The following LRSAM1 variants were observed in gnomAD, a reference collection of about 807,000 sequenced individuals.
LRSAM1 encodes the protein leucine rich repeat and sterile alpha motif containing 1.
Under a neutral mutation model 118.1 loss-of-function variants are expected in LRSAM1, and 96 were observed. That is an observed-to-expected ratio of 0.81 (90% CI 0.69 to 0.96). The LOEUF is 0.96. Ranked by LOEUF, LRSAM1 falls within the 40% of genes least tolerant of loss-of-function variation. The pLI is 0.00. For synonymous variants in LRSAM1, 322 were observed against 364.2 expected (o/e 0.88, Z 1.32); for missense variants, 804 against 915.5 (o/e 0.88, Z 1.57).
intron 9 of LRSAM1, among the ~76,000 whole-genome samples, chr9:127,467,459 G>A (rs981510696): frequency 1.3e-5 from 2 of 152,072 alleles, no homozygotes; most frequent in Admixed American, 1.3e-4. Flanking sequence ...GGAGGGAAGG[G>A]GGCTGCAGGT....
At chr9:127,457,762 G>A (rs533089100) in intron 6 of LRSAM1, among the ~76,000 whole-genome samples, 89 of 152,290 alleles carry the variant, frequency 5.8e-4, no homozygotes, top group African/African-American at 2.1e-3. Flanking sequence ...CCCCGGATGG[G>A]CTGGGAGGCA....
chr9:127,493,999 G>A (rs1347737264), intron 21 of LRSAM1, among the ~76,000 whole-genome samples: 2 of 152,246 alleles, frequency 1.3e-5, no homozygotes, highest in African/African-American at 4.8e-5. Flanking sequence ...GAAGCTGCCT[G>A]TTCCTCACGG....
chr9:127,460,574 A>AT (rs1243747193), intron 7 of LRSAM1, among the ~76,000 whole-genome samples: 1 of 152,138 alleles, frequency 6.6e-6, no homozygotes, highest in Non-Finnish European at 1.5e-5. Flanking sequence ...GTTACTGAGC[A>AT]TTTTGTGGTC....
At chr9:127,460,839 G>A (rs1289856214) in intron 7 of LRSAM1, among the ~76,000 whole-genome samples, 2 of 112,648 alleles carry the variant, frequency 1.8e-5, no homozygotes, top group Non-Finnish European at 3.6e-5. Context: ...ACCTCTTCCT[G>A]TTTCTTTCTT....
intron 25 of LRSAM1, 90 bp downstream of exon 25, chr9:127,501,233 T>C (rs1024755523): frequency 3.4e-6 from 5 of 1,489,076 alleles, no homozygotes; most frequent in Middle Eastern, 2.3e-4. Flanking sequence ...GAACGTGTTT[T>C]CTCCAGTTCT....
At chr9:127,468,014 T>G (rs1481494270) in intron 10 of LRSAM1, among the ~76,000 whole-genome samples, 184 bp downstream of exon 10, 1 of 152,182 alleles carries the variant, frequency 6.6e-6, no homozygotes, top group Non-Finnish European at 1.5e-5. Flanking sequence ...AGATACAGAC[T>G]GTGGTTATGG....
At chr9:127,501,236 C>A in intron 25 of LRSAM1, 93 bp downstream of exon 25, 1 of 1,487,030 alleles carries the variant, frequency 6.7e-7, no homozygotes, top group Non-Finnish European at 9.1e-7. Context: ...CGTGTTTTCT[C>A]CAGTTCTCTA....
chr9:127,453,460 T>A (rs977880454), intron 2 of LRSAM1: 1 of 152,252 alleles, frequency 6.6e-6, no homozygotes, highest in Non-Finnish European at 1.5e-5. Context: ...AATTGCTTTT[T>A]AATTTGTATT....
intron 10 of LRSAM1, among the ~76,000 whole-genome samples, chr9:127,472,609 C>G (rs1479096783): frequency 1.3e-5 from 2 of 151,856 alleles, no homozygotes; most frequent in Non-Finnish European, 2.9e-5. Context: ...CCACTGCACT[C>G]CAGCCTGGGT....
At position 127,468,828 on chromosome 9, in the gene LRSAM1, A is replaced by AC. The variant is rs1216162053; in HGVS notation, c.619+998_619+999insC. On this transcript the variant is annotated intron_variant, in intron 10 of 25. Transcript: ENST00000300417. ...GTCTCTACAAAAAAAAAAAAAAAAA[A>AC]AAAAAAAAAAATCAGCCAGGCGTGG... 1.1e-3 allele frequency among the ~76,000 whole-genome samples: 164 copies of AC among 143,816 alleles called. 4 individuals are homozygous for AC. The highest frequency in any genetic ancestry group is 1.9e-3 in the Non-Finnish European group (120 of 63,592). The allele number at this position is 143,816 out of a possible 152,430, so 94.3% of individuals were successfully genotyped here. A position where few individuals can be genotyped will look rare whatever the true frequency, so the allele number is the denominator to read the frequency against.
intron 10 of LRSAM1, among the ~76,000 whole-genome samples, chr9:127,471,929 C>T (rs1319753961): frequency 6.6e-6 from 1 of 151,620 alleles, no homozygotes; most frequent in Non-Finnish European, 1.5e-5. Flanking sequence ...TCCCGAAGCG[C>T]TGGCATTACA....
Position 127,458,984 on chromosome 9 carries a change from A to C in LRSAM1, c.253-19A>C. Reference sequence around the variant, plus strand: ...GGGACTTTCTCACTTGGAGACTCACAGGGGTCTTTCTTCTGCAGGTTCTAG... The same window carrying C: ...GGGACTTTCTCACTTGGAGACTCACCGGGGTCTTTCTTCTGCAGGTTCTAG... On this transcript the variant is annotated intron_variant, in intron 6 of 25. Coordinates refer to ENST00000300417, the MANE Select transcript of LRSAM1 (RefSeq NM_001005373.4). 6.2e-7 allele frequency: 1 copy of C among 1,613,162 alleles called. No individual in the cohort carries two copies.
chr9:127,472,905 C>T (rs1230490429), intron 10 of LRSAM1, among the ~76,000 whole-genome samples: 3 of 152,128 alleles, frequency 2.0e-5, no homozygotes, highest in South Asian at 2.1e-4. Flanking sequence ...TCTCTGTCAC[C>T]GTGTGCACTT....
At chr9:127,478,876 T>C in intron 11 of LRSAM1, 58 bp from the exon 12 acceptor site, 1 of 1,585,378 alleles carries the variant, frequency 6.3e-7, no homozygotes, top group Non-Finnish European at 8.7e-7. Context: ...CTGGTGCCCA[T>C]GCCAGGGAGA....
At chr9:127,466,504 ATTTTTTTTT>A (rs869115663) in intron 9 of LRSAM1, among the ~76,000 whole-genome samples, 2 of 24,518 alleles carry the variant, frequency 8.2e-5, no homozygotes, top group African/African-American at 3.1e-4. Context: ...ATATATATAT[ATTTTTTTTT>A]TTTTTTTTTT....
intron 5 of LRSAM1, among the ~76,000 whole-genome samples, chr9:127,456,350 C>T (rs1275889120): frequency 6.6e-6 from 1 of 151,702 alleles, no homozygotes; most frequent in Non-Finnish European, 1.5e-5. Context: ...TCTCCTGCCT[C>T]AGCCTCCTGA....
intron 22 of LRSAM1, 76 bp from the exon 23 acceptor site, chr9:127,495,888 A>G (rs950973734): frequency 1.3e-6 from 2 of 1,575,938 alleles, no homozygotes; most frequent in Admixed American, 3.5e-5. Flanking sequence ...ATAAATATTC[A>G]AACCCTTCAT....
At position 127,485,742 on chromosome 9, in the gene LRSAM1, T is replaced by C; in HGVS notation, c.1166T>C (p.Met389Thr). ...SLRRRDVASA[M>T]QQMLTESCKN... ...CCACCTCATGTTCCCACAGCCGCCATGCAGCAGATGCTGACTGAGAGCTGT... is the reference window on the plus strand; with the variant it reads ...CCACCTCATGTTCCCACAGCCGCCACGCAGCAGATGCTGACTGAGAGCTGT... The change falls in exon 17 of 26, where the codon ATG becomes ACG. Residue 389 changes from methionine to threonine, a missense_variant. Coordinates refer to ENST00000300417, the MANE Select transcript of LRSAM1 (RefSeq NM_001005373.4). The C allele has an allele frequency of 6.2e-7, 1 of 1,614,066 alleles. No individual in the cohort carries two copies. The highest frequency in any genetic ancestry group is 2.2e-5 in the East Asian group (1 of 44,878).
rs754216773 is a variant in LRSAM1 at position 127,455,527 on chromosome 9, TA to T, written c.130-44del. 12 of 1,597,468 alleles carry T rather than the reference TA, an allele frequency of 7.5e-6. No individual in the cohort carries two copies. In the East Asian group the frequency reaches 2.5e-4, roughly 33 times the overall value. On this transcript the variant is annotated intron_variant, in intron 4 of 25. Transcript: ENST00000300417. ...CGTGAATGCCACTCAGAGAACAAGC[TA>T]AAAACTGGCAGGAGGGGAGACACTT...
Sources: allele counts gnomAD v4.1 joint callset (sites outside exome capture counted in the v4.1 genomes callset), GRCh38; gene constraint gnomAD v4.1.1; transcripts MANE v1.5; gene names NCBI Gene and HGNC (gene_info 2026-07-23, HGNC 2026-07-21).